Variants in ANKFN1 observed in about 807,000 individuals in gnomAD.
ANKFN1 encodes the protein ankyrin repeat and fibronectin type III domain containing 1.
A neutral mutation model predicts 108.7 loss-of-function variants in ANKFN1; 74 were observed. The ratio of observed to expected loss-of-function variants is 0.68; its 90% CI spans 0.56 to 0.83. ANKFN1 has a LOEUF of 0.83. Ranked by LOEUF, ANKFN1 falls within the 40% of genes least tolerant of loss-of-function variation. The pLI is 0.00. For synonymous variants in ANKFN1, 547 were observed against 516.2 expected, an observed-to-expected ratio of 1.06 and a Z score of -0.81; for missense variants, 1,505 against 1,382.3, an observed-to-expected ratio of 1.09 and a Z score of -1.41.
chr17:56,086,119 A>G (rs1265252682), intron 4 of ANKFN1, among the ~76,000 whole-genome samples: 1 of 151,186 alleles, frequency 6.6e-6, no homozygotes, highest in Non-Finnish European at 1.5e-5. Context: ...TTTAAAAATC[A>G]ATTTGTGCCA....
Position 56,512,954 on chromosome 17 carries a change from T to G in ANKFN1, c.*1685T>G, listed in dbSNP as rs2051817117. On this transcript the variant is annotated 3_prime_UTR_variant, in exon 21 of 21. Transcript: ENST00000682825. ...ATCACTACAGCTCCTTTTTCATGACTGGGAGGATTTTAAAATGCAATTTTC... is the reference window on the plus strand; with the variant it reads ...ATCACTACAGCTCCTTTTTCATGACGGGGAGGATTTTAAAATGCAATTTTC... 6.6e-6 allele frequency among the ~76,000 whole-genome samples: 1 copy of G among 152,198 alleles called. No homozygotes were observed. The highest frequency in any genetic ancestry group is 1.5e-5 in the Non-Finnish European group (1 of 68,036).
intron 4 of ANKFN1, among the ~76,000 whole-genome samples, chr17:56,074,428 G>A (rs754946613): frequency 6.6e-6 from 1 of 152,166 alleles, no homozygotes; most frequent in Non-Finnish European, 1.5e-5. Flanking sequence ...GCAGCACCAG[G>A]CCCCCTCATG....
intron 4 of ANKFN1, among the ~76,000 whole-genome samples, chr17:56,101,533 A>G (rs1423322113): frequency 1.3e-5 from 2 of 152,248 alleles, no homozygotes; most frequent in Admixed American, 6.5e-5. Flanking sequence ...ATATGATAGT[A>G]CTACTCAAAG....
intron 1 of ANKFN1, among the ~76,000 whole-genome samples, chr17:56,208,129 C>A (rs889413073): frequency 8.5e-5 from 13 of 152,174 alleles, no homozygotes; most frequent in African/African-American, 3.1e-4. Flanking sequence ...CCTGCCTCAG[C>A]CTCCAGAATA....
At chr17:56,375,796 G>A (rs111939163) in intron 8 of ANKFN1, among the ~76,000 whole-genome samples, 3 of 152,100 alleles carry the variant, frequency 2.0e-5, no homozygotes, top group Non-Finnish European at 4.4e-5. Flanking sequence ...TATGCACCAG[G>A]CACCATTTAA....
intron 4 of ANKFN1, among the ~76,000 whole-genome samples, chr17:56,067,315 C>A (rs915044820): frequency 6.6e-6 from 1 of 152,146 alleles, no homozygotes; most frequent in African/African-American, 2.4e-5. Flanking sequence ...CCTTTCTTGA[C>A]TGTGTTTATT....
intron 1 of ANKFN1, among the ~76,000 whole-genome samples, chr17:56,190,734 T>A (rs1254488815): frequency 7.0e-6 from 1 of 143,462 alleles, no homozygotes; most frequent in Non-Finnish European, 1.5e-5. Flanking sequence ...TAGGTCCGCT[T>A]GGTGCAGAGC....
intron 4 of ANKFN1, among the ~76,000 whole-genome samples, chr17:56,140,876 T>G (rs1907878292): frequency 6.6e-6 from 1 of 152,196 alleles, no homozygotes; most frequent in Admixed American, 6.5e-5. Flanking sequence ...AATTATGTTG[T>G]CGCTTACACT....
chr17:56,335,780 C>T (rs1349465939), intron 4 of ANKFN1, among the ~76,000 whole-genome samples: 2 of 152,064 alleles, frequency 1.3e-5, no homozygotes, highest in Non-Finnish European at 2.9e-5. Flanking sequence ...GAGAGGGCAT[C>T]CCTGTCTTGT....
intron 4 of ANKFN1, among the ~76,000 whole-genome samples, chr17:56,053,927 T>G (rs1223832481): frequency 1.3e-5 from 2 of 152,300 alleles, no homozygotes; most frequent in East Asian, 3.9e-4. Context: ...AGTGGTGAAT[T>G]CTGAGATTTT....
chr17:56,490,431 TA>T (rs111804243), intron 18 of ANKFN1, among the ~76,000 whole-genome samples: 118 of 152,236 alleles, frequency 7.8e-4, no homozygotes, highest in African/African-American at 2.7e-3. Flanking sequence ...AAAGGACTCA[TA>T]ATAAGTTCAG....
At chr17:56,105,252 T>C (rs1304284785) in intron 4 of ANKFN1, among the ~76,000 whole-genome samples, 2 of 152,114 alleles carry the variant, frequency 1.3e-5, no homozygotes, top group African/African-American at 4.8e-5. Context: ...GAGGGATTGA[T>C]GAGTGACTGG....
chr17:56,467,807 AAAGAAAG>A (rs2050164932), intron 15 of ANKFN1, among the ~76,000 whole-genome samples: 1 of 32,852 alleles, frequency 3.0e-5, no homozygotes, highest in Non-Finnish European at 5.4e-5. Flanking sequence ...AGAAAGAAAG[AAAGAAAG>A]AAAGAAAGAA....
intron 18 of ANKFN1, among the ~76,000 whole-genome samples, chr17:56,487,375 G>C (rs892194024): frequency 1.3e-5 from 2 of 152,094 alleles, no homozygotes; most frequent in South Asian, 4.1e-4. Context: ...AGGTGACGTG[G>C]CCCCTTGAGG....
At chr17:56,483,022 G>A (rs2050761689) in intron 18 of ANKFN1, among the ~76,000 whole-genome samples, 1 of 152,092 alleles carries the variant, frequency 6.6e-6, no homozygotes, top group Non-Finnish European at 1.5e-5. Flanking sequence ...GGGGAAAAAA[G>A]CCTACAATTT....
At chr17:56,400,500 T>C (rs1424688925) in intron 8 of ANKFN1, among the ~76,000 whole-genome samples, 3 of 152,324 alleles carry the variant, frequency 2.0e-5, no homozygotes, top group African/African-American at 7.2e-5. Context: ...GTCAGATGTA[T>C]AGATTGTGAA....
intron 3 of ANKFN1, among the ~76,000 whole-genome samples, chr17:56,297,209 C>A (rs1386545897): frequency 2.0e-5 from 3 of 152,150 alleles, no homozygotes; most frequent in Non-Finnish European, 4.4e-5. Context: ...TGCAGTTTTC[C>A]TTTCTCCTTA....
At chr17:56,079,107 G>C (rs958463729) in intron 4 of ANKFN1, among the ~76,000 whole-genome samples, 1 of 152,170 alleles carries the variant, frequency 6.6e-6, no homozygotes, top group Non-Finnish European at 1.5e-5. Context: ...AGAGCTTGAA[G>C]TCTATCTGTG....
chr17:56,404,715 T>TG (rs553194453), intron 8 of ANKFN1, among the ~76,000 whole-genome samples: 183 of 152,268 alleles, frequency 1.2e-3, no homozygotes, highest in African/African-American at 3.9e-3. Flanking sequence ...AGTGTGATTT[T>TG]GGGGGGTATG....
Sources: gnomAD v4.1 joint callset for allele counts (sites outside exome capture counted in the v4.1 genomes callset) on GRCh38, gnomAD v4.1.1 for gene constraint, MANE v1.5 for transcripts, NCBI Gene and HGNC (gene_info 2026-07-23, HGNC 2026-07-21) for gene names.